The following MLLT3 variants were observed in gnomAD, a reference collection of about 807,000 sequenced individuals.
MLLT3 encodes the protein protein AF-9.
A neutral mutation model predicts 53.2 loss-of-function variants in MLLT3; 4 were observed. That is an observed-to-expected ratio of 0.08 (90% CI 0.04 to 0.17). The LOEUF (loss-of-function observed/expected upper bound fraction) is 0.17. Among genes scored for constraint, MLLT3 ranks in the 10% least tolerant of loss-of-function variants. MLLT3 has a pLI of 1.00. For missense variants in MLLT3, 569 were observed against 684.0 expected (o/e 0.83, Z 1.87); for synonymous variants, 283 against 230.6 (o/e 1.23, Z -2.06).
chr9:20,371,584 A>G (rs996838929), intron 5 of MLLT3, among the ~76,000 whole-genome samples: 18 of 152,236 alleles, frequency 1.2e-4, no homozygotes, highest in African/African-American at 3.9e-4. Flanking sequence ...ATCTGCCTAC[A>G]GCATGGTTTA....
chr9:20,456,615 A>T, intron 3 of MLLT3, 89 bp downstream of exon 3: 1 of 918,640 alleles, frequency 1.1e-6, no homozygotes, highest in Non-Finnish European at 1.7e-6. Context: ...ATCTAGTGAC[A>T]GAAGTGCTTA....
chr9:20,376,122 G>A (rs1165618103), intron 5 of MLLT3, among the ~76,000 whole-genome samples: 1 of 151,982 alleles, frequency 6.6e-6, no homozygotes, highest in South Asian at 2.1e-4. Context: ...CTTTAAATAA[G>A]CTGTTAACAG....
At chr9:20,498,266 A>AAAAAAAAT (rs760352616) in intron 2 of MLLT3, among the ~76,000 whole-genome samples, 1 of 98,350 alleles carries the variant, frequency 1.0e-5, no homozygotes, top group Non-Finnish European at 2.1e-5. Context: ...AAAAAAAAAA[A>AAAAAAAAT]GTTCTTCTAG....
intron 2 of MLLT3, among the ~76,000 whole-genome samples, chr9:20,565,329 G>C (rs1274823644): frequency 6.6e-6 from 1 of 152,024 alleles, no homozygotes; most frequent in East Asian, 1.9e-4. Context: ...AGTTGGGAGG[G>C]ATGAGGAAAA....
At chr9:20,565,808 A>G (rs1302718342) in intron 2 of MLLT3, among the ~76,000 whole-genome samples, 5 of 150,080 alleles carry the variant, frequency 3.3e-5, no homozygotes, top group African/African-American at 9.8e-5. Context: ...AACCCTGAAC[A>G]TAAAAAGCTA....
At chr9:20,432,639 G>C (rs1220042400) in intron 4 of MLLT3, among the ~76,000 whole-genome samples, 1 of 146,828 alleles carries the variant, frequency 6.8e-6, no homozygotes, top group African/African-American at 2.7e-5. Context: ...AGTCACCAAG[G>C]CTGGAAAAAA....
At chr9:20,470,321 G>T (rs1272594879) in intron 2 of MLLT3, among the ~76,000 whole-genome samples, 1 of 151,884 alleles carries the variant, frequency 6.6e-6, no homozygotes, top group East Asian at 1.9e-4. Context: ...ATCTTGAGAA[G>T]CCTGGTTTAT....
At chr9:20,429,946 T>C (rs986233425) in intron 4 of MLLT3, among the ~76,000 whole-genome samples, 3 of 152,124 alleles carry the variant, frequency 2.0e-5, no homozygotes, top group Non-Finnish European at 2.9e-5. Context: ...GATAGGAAAA[T>C]TGGAAATAAG....
At chr9:20,526,027 T>A (rs549302815) in intron 2 of MLLT3, among the ~76,000 whole-genome samples, 1 of 152,172 alleles carries the variant, frequency 6.6e-6, no homozygotes, top group Non-Finnish European at 1.5e-5. Flanking sequence ...GGAGAAGATA[T>A]GTATGTTCAA....
Position 20,358,759 on chromosome 9 carries a change from C to T in MLLT3, c.1431+1983G>A, listed in dbSNP as rs543845767. Among the ~76,000 whole-genome samples the T allele has an allele frequency of 2.0e-5, 3 of 152,226 alleles. No homozygotes were observed. The South Asian group carries it at 6.2e-4, about 32-fold the overall frequency. On this transcript the variant is annotated intron_variant, in intron 8 of 10. Transcript: ENST00000380338. ...GGGCACAAAAGCAGAGCCTAATGCC[C>T]TACACTCCTGGCCCTGCCACTGCTG...
intron 2 of MLLT3, among the ~76,000 whole-genome samples, chr9:20,538,643 T>C (rs1342898665): frequency 6.6e-6 from 1 of 151,952 alleles, no homozygotes; most frequent in Non-Finnish European, 1.5e-5. Flanking sequence ...AAAGAGAAAA[T>C]GAATACAAAA....
intron 2 of MLLT3, among the ~76,000 whole-genome samples, chr9:20,497,768 AT>A (rs777657157): frequency 5.3e-5 from 8 of 152,154 alleles, no homozygotes; most frequent in Non-Finnish European, 1.2e-4. Context: ...ATGAACTTGT[AT>A]AAGTGTGTAA....
intron 2 of MLLT3, among the ~76,000 whole-genome samples, chr9:20,524,460 A>G (rs1395327009): frequency 6.6e-6 from 1 of 152,096 alleles, no homozygotes; most frequent in African/African-American, 2.4e-5. Context: ...ACTGTAATCA[A>G]AATCATCTTC....
Position 20,448,060 on chromosome 9 carries a change from G to GTT in MLLT3, c.420+61_420+62dup, listed in dbSNP as rs111349071. 6.2e-4 allele frequency: 739 copies of GTT among 1,199,100 alleles called. No individual in the cohort carries two copies. Among genetic ancestry groups the GTT allele is most frequent in the South Asian group, 1.3e-3 (81 of 63,594 alleles). 74.3% of individuals were successfully genotyped at this position (1,199,100 alleles called of 1,614,324 possible). Reference sequence around the variant, plus strand: ...TAACACATGAGGAACTAGTTTGTTTGTTTTTTTTTTTGTTGTTGTTGTTTT... The same window carrying GTT: ...TAACACATGAGGAACTAGTTTGTTTGTTTTTTTTTTTTTGTTGTTGTTGTTTT... On this transcript the variant is annotated intron_variant, in intron 4 of 10. Coordinates refer to ENST00000380338, the MANE Select transcript of MLLT3 (RefSeq NM_004529.4). This position sits in a 1 kb window ranked among gnomAD's most constrained non-coding sequence, Gnocchi z 4.0.
At chr9:20,521,820 T>C (rs1818068551) in intron 2 of MLLT3, among the ~76,000 whole-genome samples, 1 of 152,150 alleles carries the variant, frequency 6.6e-6, no homozygotes, top group South Asian at 2.1e-4. Flanking sequence ...CTAGAACTCA[T>C]TAATTGCTGA....
intron 2 of MLLT3, among the ~76,000 whole-genome samples, chr9:20,573,183 G>GTTTTTTTTTTT (rs1475878858): frequency 1.5e-5 from 1 of 65,882 alleles, no homozygotes. Context: ...GTTTTTTTTT[G>GTTTTTTTTTTT]TTTTGTTTTT....
intron 2 of MLLT3, among the ~76,000 whole-genome samples, chr9:20,516,203 C>T (rs1331948684): frequency 6.6e-6 from 1 of 152,118 alleles, no homozygotes; most frequent in African/African-American, 2.4e-5. Context: ...AGAAAGTATC[C>T]CCATCACATA....
At position 20,373,694 on chromosome 9, in the gene MLLT3, T is replaced by C. The variant is rs143593060; in HGVS notation, c.1126-7950A>G. On this transcript the variant is annotated intron_variant, in intron 5 of 10. Transcript: ENST00000380338. ...ACACATTGCTACACTTTTCATAAAA[T>C]GTAACCTCATTAGTTACATTACGAA... is the stretch of plus-strand genomic sequence containing the variant. Among the ~76,000 whole-genome samples the C allele has an allele frequency of 2.7e-3, 405 of 152,300 alleles. 1 individual carries two copies. Among genetic ancestry groups the C allele is most frequent in the African/African-American group, 8.7e-3 (362 of 41,552 alleles).
chr9:20,547,481 T>C (rs1476234534), intron 2 of MLLT3, among the ~76,000 whole-genome samples: 1 of 150,982 alleles, frequency 6.6e-6, no homozygotes, highest in Admixed American at 6.6e-5. Context: ...CCGTCTCTAT[T>C]AAAATACAAA....
Sources: gnomAD v4.1 joint callset for allele counts (sites outside exome capture counted in the v4.1 genomes callset) on GRCh38, gnomAD v4.1.1 for gene constraint, Gnocchi (gnomAD v3.1) non-coding constraint, MANE v1.5 for transcripts, NCBI Gene and HGNC (gene_info 2026-07-23, HGNC 2026-07-21) for gene names.